NLRP5: variants seen among roughly 807,000 people sequenced by gnomAD.
NLRP5 encodes NLR family pyrin domain containing 5.
NLRP5 carries 93 observed loss-of-function variants against 113.1 expected under a neutral mutation model. That is an observed-to-expected ratio of 0.82 (90% CI 0.70 to 0.98). The LOEUF is 0.98. Ranked by LOEUF, NLRP5 falls within the 50% of genes least tolerant of loss-of-function variation. NLRP5 has a pLI of 0.00. For missense variants in NLRP5, 1,808 were observed against 1,514.3 expected, an observed-to-expected ratio of 1.19 and a Z score of -3.22; for synonymous variants, 751 against 600.7, an observed-to-expected ratio of 1.25 and a Z score of -3.66.
At chr19:55,987,239 A>G in the NLRP5 span, among the ~76,000 whole-genome samples, 1 of 152,152 alleles carries the variant, frequency 6.6e-6, no homozygotes, top group African/African-American at 2.4e-5. Flanking sequence ...GCGTGGTGGC[A>G]TGTGCCTATA....
intron 7 of NLRP5, 143 bp downstream of exon 7, chr19:56,028,652 A>T (rs1982975986): frequency 1.2e-6 from 1 of 828,982 alleles, no homozygotes; most frequent in African/African-American, 1.7e-5. Context: ...CAGCTGGCTA[A>T]AATGCCAGGA....
chr19:56,042,049 C>A (rs1983541753), intron 11 of NLRP5, among the ~76,000 whole-genome samples: 1 of 152,144 alleles, frequency 6.6e-6, no homozygotes, highest in African/African-American at 2.4e-5. Flanking sequence ...CAGTGGAGAG[C>A]TGAAATCAGT....
At chr19:56,026,344 C>T (rs529288299) in intron 6 of NLRP5, among the ~76,000 whole-genome samples, 346 of 151,596 alleles carry the variant, frequency 2.3e-3, no homozygotes, top group African/African-American at 8.1e-3. Context: ...CTGGCGAACA[C>T]GGTGAAACCC....
chr19:56,054,180 C>A (rs1247980667), intron 13 of NLRP5, among the ~76,000 whole-genome samples: 2 of 152,106 alleles, frequency 1.3e-5, no homozygotes, highest in Non-Finnish European at 2.9e-5. Flanking sequence ...CCTGAGTGGT[C>A]CTTAAAACTT....
chr19:56,019,164 G>A (rs1982520562), intron 4 of NLRP5, 178 bp from the exon 5 acceptor site: 1 of 668,360 alleles, frequency 1.5e-6, no homozygotes, highest in Non-Finnish European at 2.6e-6. Context: ...TCACCCTCAA[G>A]CTTTGAATTA....
chr19:56,058,959 A>G (rs1314820577), intron 14 of NLRP5, among the ~76,000 whole-genome samples: 1 of 152,230 alleles, frequency 6.6e-6, no homozygotes, highest in Non-Finnish European at 1.5e-5. Flanking sequence ...CCAGTCCTAA[A>G]AAGACAAATA....
At chr19:56,007,866 A>G (rs913875134) in intron 2 of NLRP5, among the ~76,000 whole-genome samples, 3 of 114,096 alleles carry the variant, frequency 2.6e-5, no homozygotes, top group Non-Finnish European at 5.7e-5. Flanking sequence ...TGTACAAGAC[A>G]GTTTGTGTGT....
chr19:56,038,306 G>A (rs1983395596), intron 10 of NLRP5, 111 bp downstream of exon 10: 4 of 1,223,424 alleles, frequency 3.3e-6, no homozygotes, highest in Non-Finnish European at 4.7e-6. Context: ...ACAAACCAGG[G>A]GTGAGGAAGG....
chr19:56,055,382 T>C (rs1013020278), intron 13 of NLRP5, among the ~76,000 whole-genome samples: 2 of 152,018 alleles, frequency 1.3e-5, no homozygotes, highest in African/African-American at 4.8e-5. Context: ...TACGTGGTCA[T>C]GTCCCTTCTT....
chr19:56,057,109 C>T (rs988515036), intron 13 of NLRP5, among the ~76,000 whole-genome samples: 27 of 152,320 alleles, frequency 1.8e-4, no homozygotes, highest in African/African-American at 6.3e-4. Context: ...ACACCCCAGC[C>T]TCAGCGATAG....
intron 7 of NLRP5, among the ~76,000 whole-genome samples, chr19:56,031,417 T>C (rs930576723): frequency 2.0e-5 from 3 of 151,852 alleles, no homozygotes; most frequent in Non-Finnish European, 4.4e-5. Context: ...TCACTTGAGG[T>C]CAGGAGTTTG....
intron 13 of NLRP5, among the ~76,000 whole-genome samples, chr19:56,054,279 T>TG (rs545144162): frequency 2.2e-3 from 340 of 152,198 alleles, no homozygotes; most frequent in African/African-American, 7.7e-3. Context: ...GTGCTGAGGC[T>TG]GGGCACAGGG....
intron 6 of NLRP5, among the ~76,000 whole-genome samples, chr19:56,026,005 A>G (rs979893261): frequency 6.6e-6 from 1 of 152,202 alleles, no homozygotes; most frequent in African/African-American, 2.4e-5. Context: ...CAGCAAATAC[A>G]GCGTAACCCA....
chr19:56,000,509 C>A (rs142168363), intron 1 of NLRP5, among the ~76,000 whole-genome samples: 4,332 of 151,770 alleles, frequency 0.029, 185 homozygotes, highest in African/African-American at 0.098. Context: ...GGACTACAGG[C>A]GCCCGCCACC....
chr19:56,024,568 TACAC>T (rs1159226626), intron 6 of NLRP5, among the ~76,000 whole-genome samples: 2 of 136,836 alleles, frequency 1.5e-5, no homozygotes, highest in Non-Finnish European at 3.2e-5. Flanking sequence ...TATGTATATA[TACAC>T]ATATATATAC....
intron 9 of NLRP5, among the ~76,000 whole-genome samples, chr19:56,035,385 A>G (rs1682685705): frequency 6.6e-6 from 1 of 152,232 alleles, no homozygotes; most frequent in Non-Finnish European, 1.5e-5. Context: ...CAAAGCATAA[A>G]TGTTGTCTCA....
At chr19:56,046,778 C>A (rs1028856005) in intron 11 of NLRP5, among the ~76,000 whole-genome samples, 1 of 152,270 alleles carries the variant, frequency 6.6e-6, no homozygotes, top group South Asian at 2.1e-4. Context: ...GTGATCTGCC[C>A]GCCTCGGCCT....
chr19:56,014,363 C>G (rs1982324861), intron 3 of NLRP5, among the ~76,000 whole-genome samples: 1 of 151,762 alleles, frequency 6.6e-6, no homozygotes, highest in Admixed American at 6.6e-5. Flanking sequence ...TCCTGTAGTC[C>G]CAGCTCCTTG....
chr19:56,049,331 C>A (rs2123334072), intron 11 of NLRP5, among the ~76,000 whole-genome samples: 1 of 152,112 alleles, frequency 6.6e-6, no homozygotes, highest in Middle Eastern at 3.4e-3. Context: ...AGGCATGCAC[C>A]ACCACGCCCA....
Sources: gnomAD v4.1 joint callset for allele counts (sites outside exome capture counted in the v4.1 genomes callset) on GRCh38, gnomAD v4.1.1 for gene constraint, MANE v1.5 for transcripts, NCBI Gene and HGNC (gene_info 2026-07-23, HGNC 2026-07-21) for gene names.